Variants in SLC22A23 observed in about 807,000 individuals in gnomAD.
SLC22A23 encodes the protein ion transporter protein.
In SLC22A23, 26 loss-of-function variants were observed where a neutral mutation model predicts 61.0. The observed-to-expected ratio is 0.43, with a 90% CI of 0.31 to 0.59. SLC22A23 has a LOEUF of 0.59. Ranked by LOEUF, SLC22A23 falls within the 20% of genes least tolerant of loss-of-function variation. The probability of loss-of-function intolerance (pLI) is 0.11; values close to 1 mark genes in which losing one functional copy is unlikely to be tolerated. For missense variants in SLC22A23, 796 were observed against 934.7 expected (o/e 0.85, Z 1.94); for synonymous variants, 430 against 413.9 (o/e 1.04, Z -0.47).
At chr6:3,405,612 AGTC>A (rs1424384688) in intron 3 of SLC22A23, among the ~76,000 whole-genome samples, 1 of 143,700 alleles carries the variant, frequency 7.0e-6, no homozygotes, top group Non-Finnish European at 1.5e-5. Flanking sequence ...CATTTGGCTC[AGTC>A]AAATTTTTTT....
chr6:3,372,622 C>T lies in SLC22A23; in HGVS notation c.913+37566G>A, dbSNP rs938296172. On this transcript the variant is annotated intron_variant, in intron 3 of 9. Coordinates refer to ENST00000406686, the MANE Select transcript of SLC22A23 (RefSeq NM_015482.2). This position sits in a 1 kb window ranked among gnomAD's most constrained non-coding sequence, Gnocchi z 4.7. ...TCCCCCCATGTCTCATGCACAGGGC[C>T]CTCAGCATGGACTGCAGCCTCCCAG... 1.3e-5 allele frequency among the ~76,000 whole-genome samples: 2 copies of T among 152,116 alleles called. No individual in the cohort carries two copies. Among genetic ancestry groups the T allele is most frequent in the Non-Finnish European group, 2.9e-5 (2 of 68,016 alleles).
At chr6:3,295,365 GGT>G (rs1760990469) in intron 5 of SLC22A23, among the ~76,000 whole-genome samples, 1 of 152,126 alleles carries the variant, frequency 6.6e-6, no homozygotes. Flanking sequence ...GGGAGACGGT[GGT>G]GTGTCCTGGG....
At chr6:3,305,720 G>A (rs187917281) in intron 4 of SLC22A23, among the ~76,000 whole-genome samples, 142 of 152,312 alleles carry the variant, frequency 9.3e-4, no homozygotes, top group Middle Eastern at 3.4e-3. Context: ...CAGGAAGCAC[G>A]GTGGGTAGCT....
intron 3 of SLC22A23, among the ~76,000 whole-genome samples, chr6:3,361,959 T>A (rs188009100): frequency 1.3e-5 from 2 of 152,322 alleles, no homozygotes; most frequent in Admixed American, 1.3e-4. Context: ...CTGATGGTCA[T>A]GCCAGAGTGC....
intron 1 of SLC22A23, among the ~76,000 whole-genome samples, chr6:3,447,411 G>GAA (rs1010732638): frequency 6.6e-6 from 1 of 152,122 alleles, no homozygotes; most frequent in Admixed American, 6.6e-5. Context: ...ACTTTGTAAT[G>GAA]AAAAGATTAT....
chr6:3,371,644 T>C (rs1766225529), intron 3 of SLC22A23, among the ~76,000 whole-genome samples: 1 of 152,140 alleles, frequency 6.6e-6, no homozygotes, highest in African/African-American at 2.4e-5. Flanking sequence ...TAAAAATCTT[T>C]GTCTTGTGGG....
intron 1 of SLC22A23, among the ~76,000 whole-genome samples, chr6:3,451,476 C>T (rs886480949): frequency 1.3e-5 from 2 of 152,226 alleles, no homozygotes; most frequent in African/African-American, 2.4e-5. Context: ...GGATTACAGG[C>T]GTGAGCCACT....
intron 6 of SLC22A23, among the ~76,000 whole-genome samples, chr6:3,288,378 G>A (rs957871994): frequency 3.3e-5 from 5 of 152,208 alleles, no homozygotes; most frequent in African/African-American, 1.2e-4. Flanking sequence ...TGCCCCATAG[G>A]GGGAAGCCAC....
chr6:3,383,449 A>G (rs1370328718), intron 3 of SLC22A23, among the ~76,000 whole-genome samples: 2 of 152,210 alleles, frequency 1.3e-5, no homozygotes, highest in Non-Finnish European at 2.9e-5. Flanking sequence ...TAGCTGACAT[A>G]TATCTTATTA....
At chr6:3,422,137 T>C (rs1327657354) in intron 1 of SLC22A23, among the ~76,000 whole-genome samples, 1 of 152,202 alleles carries the variant, frequency 6.6e-6, no homozygotes, top group Non-Finnish European at 1.5e-5. Flanking sequence ...AAGAGGATAG[T>C]ACTGCTTAAA....
intron 3 of SLC22A23, among the ~76,000 whole-genome samples, chr6:3,366,804 G>A (rs1236851086): frequency 6.6e-6 from 1 of 152,126 alleles, no homozygotes; most frequent in Non-Finnish European, 1.5e-5. Context: ...ATGAACCTTG[G>A]ACAGGCAGGA....
intron 5 of SLC22A23, among the ~76,000 whole-genome samples, chr6:3,296,850 T>G (rs1392242686): frequency 6.6e-6 from 1 of 152,282 alleles, no homozygotes; most frequent in South Asian, 2.1e-4. Context: ...TCCCCGATCT[T>G]CTGAACTGGG....
At chr6:3,447,583 C>CTTTTTTT (rs757788904) in intron 1 of SLC22A23, among the ~76,000 whole-genome samples, 61 of 113,360 alleles carry the variant, frequency 5.4e-4, no homozygotes, top group African/African-American at 9.7e-4. Flanking sequence ...AAGAAACTTT[C>CTTTTTTT]TTTTTTTTTT....
In SLC22A23 at chr6:3,379,776, G is replaced by A. The variant is rs182266922; in HGVS notation, c.913+30412C>T. 2.6e-5 allele frequency among the ~76,000 whole-genome samples: 4 copies of A among 151,982 alleles called. No individual in the cohort carries two copies. The East Asian group carries it at 7.7e-4, about 29-fold the overall frequency. ...CAATTCAAACAGAAGTCATGCAGCTGGGACGGGCTCAGATTGCCTGATGAC... is the reference window on the plus strand; with the variant it reads ...CAATTCAAACAGAAGTCATGCAGCTAGGACGGGCTCAGATTGCCTGATGAC... On this transcript the variant is annotated intron_variant, in intron 3 of 9. Coordinates refer to ENST00000406686, the MANE Select transcript of SLC22A23 (RefSeq NM_015482.2).
intron 3 of SLC22A23, among the ~76,000 whole-genome samples, chr6:3,373,944 A>G (rs1237425616): frequency 6.6e-6 from 1 of 152,226 alleles, no homozygotes; most frequent in Non-Finnish European, 1.5e-5. Context: ...CCTCACGGCA[A>G]CCTTGGGAGG....
At chr6:3,366,959 CA>C (rs1202847732) in intron 3 of SLC22A23, among the ~76,000 whole-genome samples, 10 of 152,200 alleles carry the variant, frequency 6.6e-5, no homozygotes, top group East Asian at 1.9e-4. Context: ...GAAGGAAGGA[CA>C]GGGGGGATTA....
At chr6:3,375,292 C>T (rs573449424) in intron 3 of SLC22A23, among the ~76,000 whole-genome samples, 1 of 152,312 alleles carries the variant, frequency 6.6e-6, no homozygotes, top group Non-Finnish European at 1.5e-5. Context: ...AAGCAAACCA[C>T]CTCCTGTCAA....
At chr6:3,416,892 A>G (rs932754353) in intron 1 of SLC22A23, among the ~76,000 whole-genome samples, 2 of 152,198 alleles carry the variant, frequency 1.3e-5, no homozygotes, top group African/African-American at 4.8e-5. Flanking sequence ...CTGGGAGCAG[A>G]GGCAGGATTG....
At chr6:3,366,354 A>AAAAAAG (rs1765830673) in intron 3 of SLC22A23, among the ~76,000 whole-genome samples, 4 of 78,490 alleles carry the variant, frequency 5.1e-5, no homozygotes, top group Admixed American at 1.3e-4. Flanking sequence ...AAAAAAAAAA[A>AAAAAAG]AAAGAAAGAA....
Sources: gnomAD v4.1 joint callset for allele counts (sites outside exome capture counted in the v4.1 genomes callset) on GRCh38, gnomAD v4.1.1 for gene constraint, Gnocchi (gnomAD v3.1) non-coding constraint, MANE v1.5 for transcripts, NCBI Gene and HGNC (gene_info 2026-07-23, HGNC 2026-07-21) for gene names.